GRIN2A: variants seen among roughly 807,000 people sequenced by gnomAD.
GRIN2A encodes glutamate receptor ionotropic, NMDA 2A.
In GRIN2A, 22 loss-of-function variants were observed where a neutral mutation model predicts 113.4. The ratio of observed to expected loss-of-function variants is 0.19; its 90% confidence interval spans 0.14 to 0.28. The LOEUF (loss-of-function observed/expected upper bound fraction) is 0.28, where lower values mean the gene tolerates loss of function less well. Ranked by LOEUF, GRIN2A falls within the 10% of genes least tolerant of loss-of-function variation. The pLI is 1.00. For missense variants in GRIN2A, 1,502 were observed against 1,887.0 expected (o/e 0.80, Z 3.78); for synonymous variants, 827 against 738.4 (o/e 1.12, Z -1.94).
At chr16:10,036,024 C>T (rs1034168378) in intron 2 of GRIN2A, among the ~76,000 whole-genome samples, 2 of 152,096 alleles carry the variant, frequency 1.3e-5, no homozygotes, top group African/African-American at 2.4e-5. Flanking sequence ...ATGCCCAGCA[C>T]GATTAATGGA....
chr16:9,756,192 A>T lies in GRIN2A; in HGVS notation c.*6957T>A, dbSNP rs763521889. On this transcript the variant is annotated 3_prime_UTR_variant, in exon 13 of 13. Coordinates refer to ENST00000330684, the MANE Select transcript of GRIN2A (RefSeq NM_001134407.3). ...CTATGTATATATGTTTAATGGAATT[A>T]GCCCTGATGTTGACTGATAAAAAGA... 1.8e-5 allele frequency: 4 copies of T among 227,710 alleles called. No individual in the cohort carries two copies. Among genetic ancestry groups the T allele is most frequent in the Non-Finnish European group, 3.5e-5 (4 of 114,502 alleles). 14.1% of individuals were successfully genotyped at this position (227,710 alleles called of 1,614,324 possible). A position where few individuals can be genotyped will look rare whatever the true frequency, so the allele number is the denominator to read the frequency against.
chr16:10,144,010 C>G (rs764255028), intron 2 of GRIN2A, among the ~76,000 whole-genome samples: 9 of 151,972 alleles, frequency 5.9e-5, no homozygotes, highest in Non-Finnish European at 1.2e-4. Context: ...CAACATGGCT[C>G]TCTTGGATAA....
At chr16:9,969,454 C>T (rs957153563) in intron 2 of GRIN2A, among the ~76,000 whole-genome samples, 2 of 152,160 alleles carry the variant, frequency 1.3e-5, no homozygotes, top group African/African-American at 4.8e-5. Flanking sequence ...ACATTTTATC[C>T]ATCCTTCATG....
chr16:9,929,985 G>A (rs537142914), intron 3 of GRIN2A, among the ~76,000 whole-genome samples: 1 of 152,232 alleles, frequency 6.6e-6, no homozygotes, highest in Admixed American at 6.5e-5. Context: ...TATTCATTGG[G>A]TGCCAATTGG....
intron 2 of GRIN2A, among the ~76,000 whole-genome samples, chr16:10,087,851 TA>T (rs1300482866): frequency 4.5e-5 from 4 of 88,124 alleles, no homozygotes; most frequent in African/African-American, 1.5e-4. Context: ...CATGCCCAGC[TA>T]ATTTTTTTTT....
intron 10 of GRIN2A, among the ~76,000 whole-genome samples, chr16:9,816,653 G>T (rs1178574316): frequency 6.6e-6 from 1 of 152,188 alleles, no homozygotes; most frequent in Non-Finnish European, 1.5e-5. Flanking sequence ...TGATGACTGA[G>T]CATTTGTAAA....
chr16:9,970,923 G>A (rs3105688), intron 2 of GRIN2A: 72,046 of 154,344 alleles, frequency 0.47, 17,111 homozygotes, highest in South Asian at 0.52. Flanking sequence ...GGAGAGATGA[G>A]AGGCTTATTC....
At chr16:9,949,320 C>G (rs7187694) in intron 2 of GRIN2A, among the ~76,000 whole-genome samples, 5,114 of 152,100 alleles carry the variant, frequency 0.034, 120 homozygotes, top group African/African-American at 0.066. Flanking sequence ...CAGACGAATG[C>G]ATGGATGGAT....
At chr16:9,912,484 CTCT>C (rs898919149) in intron 3 of GRIN2A, among the ~76,000 whole-genome samples, 1 of 127,318 alleles carries the variant, frequency 7.9e-6, no homozygotes, top group African/African-American at 3.1e-5. Context: ...AGATAAAGCA[CTCT>C]TCTTAAAATT....
intron 2 of GRIN2A, among the ~76,000 whole-genome samples, chr16:10,099,393 C>T (rs142906475): frequency 6.6e-6 from 1 of 152,248 alleles, no homozygotes; most frequent in African/African-American, 2.4e-5. Context: ...AATTCAGGGC[C>T]CTGTCTCTGG....
chr16:10,040,381 C>T (rs936808244), intron 2 of GRIN2A, among the ~76,000 whole-genome samples: 1 of 151,438 alleles, frequency 6.6e-6, no homozygotes, highest in African/African-American at 2.4e-5. Flanking sequence ...ACAACACATA[C>T]ATCCACACCA....
intron 5 of GRIN2A, among the ~76,000 whole-genome samples, chr16:9,841,546 T>C (rs1465733945): frequency 6.6e-6 from 1 of 152,192 alleles, no homozygotes; most frequent in Non-Finnish European, 1.5e-5. Flanking sequence ...GAGGAGGATG[T>C]GAAATTCTCA....
intron 2 of GRIN2A, among the ~76,000 whole-genome samples, chr16:10,078,634 T>G (rs764941920): frequency 5.3e-5 from 8 of 152,202 alleles, no homozygotes; most frequent in Non-Finnish European, 1.2e-4. Flanking sequence ...TCCTCTGTGC[T>G]CTGCCCTCGG....
At chr16:10,101,031 G>C (rs4324127) in intron 2 of GRIN2A, among the ~76,000 whole-genome samples, 2 of 152,104 alleles carry the variant, frequency 1.3e-5, no homozygotes, top group South Asian at 4.1e-4. Context: ...ATTCACTTCC[G>C]CTTTTGAGCT....
At chr16:10,018,726 C>G (rs2046656385) in intron 2 of GRIN2A, among the ~76,000 whole-genome samples, 1 of 152,204 alleles carries the variant, frequency 6.6e-6, no homozygotes, top group Non-Finnish European at 1.5e-5. Flanking sequence ...ACCGTGCACC[C>G]CAGCTCCGCT....
chr16:9,912,648 C>T (rs938669264), intron 3 of GRIN2A, among the ~76,000 whole-genome samples: 5 of 151,972 alleles, frequency 3.3e-5, no homozygotes, highest in Non-Finnish European at 7.4e-5. Flanking sequence ...TGTTTAAAAT[C>T]TGCATAATGG....
chr16:10,128,917 T>C (rs549382188), intron 2 of GRIN2A, among the ~76,000 whole-genome samples: 32 of 152,342 alleles, frequency 2.1e-4, no homozygotes, highest in Admixed American at 6.5e-4. Context: ...CAATAGTATT[T>C]CTTACCATGG....
At chr16:9,878,445 T>C (rs1423038108) in intron 4 of GRIN2A, among the ~76,000 whole-genome samples, 1 of 152,192 alleles carries the variant, frequency 6.6e-6, no homozygotes, top group Non-Finnish European at 1.5e-5. Flanking sequence ...AGGAGGTCAG[T>C]ACTATTATGG....
chr16:9,865,487 G>C (rs1260767713), intron 4 of GRIN2A, among the ~76,000 whole-genome samples: 1 of 152,176 alleles, frequency 6.6e-6, no homozygotes, highest in African/African-American at 2.4e-5. Flanking sequence ...TGCATTTGGA[G>C]TTGGAAGACC....
Sources: allele counts gnomAD v4.1 joint callset (sites outside exome capture counted in the v4.1 genomes callset), GRCh38; gene constraint gnomAD v4.1.1; transcripts MANE v1.5; gene names NCBI Gene and HGNC (gene_info 2026-07-23, HGNC 2026-07-21).